TAFA4: variants seen among roughly 807,000 people sequenced by gnomAD.
The protein encoded by TAFA4 is chemokine-like protein TAFA-4.
Under a neutral mutation model 21.1 loss-of-function variants are expected in TAFA4, and 20 were observed. The observed-to-expected ratio is 0.95, with a 90% CI of 0.67 to 1.38. The LOEUF is 1.38. Ranked by LOEUF, TAFA4 falls within the 40% of genes most tolerant of loss-of-function variation. The probability of loss-of-function intolerance (pLI) is 0.00; values close to 1 mark genes in which losing one functional copy is unlikely to be tolerated. For synonymous variants in TAFA4, 71 were observed against 67.4 expected (o/e 1.05, Z -0.26); for missense variants, 211 against 180.9 (o/e 1.17, Z -0.95).
At chr3:68,833,887 T>C (rs1704459065) in intron 3 of TAFA4, among the ~76,000 whole-genome samples, 1 of 152,182 alleles carries the variant, frequency 6.6e-6, no homozygotes, top group South Asian at 2.1e-4. Context: ...AGGAAATTGC[T>C]CTAAGTTTCA....
chr3:68,821,261 C>T (rs904223333), intron 3 of TAFA4, among the ~76,000 whole-genome samples: 1 of 150,164 alleles, frequency 6.7e-6, no homozygotes, highest in Admixed American at 6.7e-5. Context: ...GATATAAACA[C>T]AGCATCAAAA....
intron 4 of TAFA4, 26 bp from the exon 5 acceptor site, chr3:68,739,225 T>G: frequency 6.2e-7 from 1 of 1,612,814 alleles, no homozygotes; most frequent in South Asian, 1.1e-5. Flanking sequence ...CAAATAATAT[T>G]TGTGACACTG....
chr3:68,802,683 T>A (rs1415693541), intron 3 of TAFA4, among the ~76,000 whole-genome samples: 1 of 152,172 alleles, frequency 6.6e-6, no homozygotes, highest in Non-Finnish European at 1.5e-5. Context: ...AACACAATAG[T>A]GCTGAACAAC....
intron 3 of TAFA4, among the ~76,000 whole-genome samples, chr3:68,798,428 C>A (rs1703499629): frequency 6.6e-6 from 1 of 152,006 alleles, no homozygotes; most frequent in South Asian, 2.1e-4. Flanking sequence ...TAAGTGCAAA[C>A]AAAATTAAAA....
chr3:68,915,833 C>G (rs1309575957), intron 1 of TAFA4, among the ~76,000 whole-genome samples: 1 of 152,170 alleles, frequency 6.6e-6, no homozygotes, highest in Non-Finnish European at 1.5e-5. Flanking sequence ...CAGCCCACCA[C>G]TTTGTGCAAA....
intron 1 of TAFA4, among the ~76,000 whole-genome samples, chr3:68,899,467 G>C (rs185809794): frequency 2.4e-4 from 36 of 151,784 alleles, no homozygotes; most frequent in Middle Eastern, 3.4e-3. Flanking sequence ...TTCTTCCATG[G>C]TTTGACATCA....
intron 1 of TAFA4, among the ~76,000 whole-genome samples, chr3:68,924,838 T>C (rs1175586467): frequency 6.6e-6 from 1 of 152,202 alleles, no homozygotes; most frequent in Non-Finnish European, 1.5e-5. Flanking sequence ...TTTAATTCCA[T>C]TTAAACATCT....
intron 5 of TAFA4, among the ~76,000 whole-genome samples, chr3:68,736,984 A>AACTT (rs565057874): frequency 1.4e-3 from 215 of 152,262 alleles, no homozygotes; most frequent in African/African-American, 4.7e-3. Context: ...AGCTACAGCA[A>AACTT]ACTTACATTC....
intron 3 of TAFA4, among the ~76,000 whole-genome samples, chr3:68,759,066 G>A (rs1434178778): frequency 6.6e-6 from 1 of 152,202 alleles, no homozygotes; most frequent in African/African-American, 2.4e-5. Context: ...AAGGTCAGCA[G>A]TCTTAAGGCC....
At chr3:68,859,502 G>A (rs1417925125) in intron 3 of TAFA4, among the ~76,000 whole-genome samples, 1 of 152,088 alleles carries the variant, frequency 6.6e-6, no homozygotes, top group East Asian at 1.9e-4. Flanking sequence ...ATAAAATAGA[G>A]AGGGCAAAAC....
intron 3 of TAFA4, among the ~76,000 whole-genome samples, chr3:68,843,526 T>C (rs1027968053): frequency 1.3e-5 from 2 of 152,244 alleles, no homozygotes; most frequent in African/African-American, 2.4e-5. Context: ...TCTTGCCTGA[T>C]TGCCCCAGCC....
chr3:68,918,868 T>G (rs1310611726), intron 1 of TAFA4, among the ~76,000 whole-genome samples: 1 of 152,164 alleles, frequency 6.6e-6, no homozygotes, highest in Non-Finnish European at 1.5e-5. Context: ...AACCAGATTT[T>G]TATAAACTTT....
At chr3:68,802,243 G>A (rs1408896954) in intron 3 of TAFA4, among the ~76,000 whole-genome samples, 1 of 152,134 alleles carries the variant, frequency 6.6e-6, no homozygotes, top group Middle Eastern at 3.4e-3. Context: ...CTTTTTCTAA[G>A]TGTTCCATTT....
At chr3:68,735,061 A>ATAT in intron 5 of TAFA4, among the ~76,000 whole-genome samples, 1 of 152,248 alleles carries the variant, frequency 6.6e-6, no homozygotes, top group Non-Finnish European at 1.5e-5. Flanking sequence ...TAAGATGCCA[A>ATAT]TATTAGCTCT....
intron 5 of TAFA4, among the ~76,000 whole-genome samples, chr3:68,738,498 A>G (rs1233606303): frequency 2.6e-5 from 4 of 152,222 alleles, no homozygotes; most frequent in African/African-American, 9.6e-5. Flanking sequence ...GAGTAAGCAC[A>G]GTGTTGAAGA....
At chr3:68,886,466 A>G (rs1369280360) in intron 1 of TAFA4, among the ~76,000 whole-genome samples, 1 of 152,232 alleles carries the variant, frequency 6.6e-6, no homozygotes, top group Non-Finnish European at 1.5e-5. Flanking sequence ...TTCTGCTATC[A>G]GAAAGAACTA....
intron 3 of TAFA4, among the ~76,000 whole-genome samples, chr3:68,777,086 A>G (rs772229987): frequency 2.5e-4 from 38 of 152,134 alleles, no homozygotes; most frequent in Non-Finnish European, 4.7e-4. Flanking sequence ...CACTGCATAG[A>G]CATTTCAATA....
Position 68,733,710 on chromosome 3 carries a change from C to T in TAFA4, c.412-557G>A, listed in dbSNP as rs9869024. 7.0e-3 allele frequency among the ~76,000 whole-genome samples: 1,063 copies of T among 152,162 alleles called. 11 individuals are homozygous for T. The highest frequency in any genetic ancestry group is 0.024 in the African/African-American group (1,003 of 41,512). ...GTTTCTATTCATGTAAGAAATTTTA[C>T]GTGTTTGTTAGTCAATATACCAGCA... On this transcript the variant is annotated intron_variant, in intron 5 of 5. Transcript: ENST00000295569.
At chr3:68,831,065 T>C (rs925513395) in intron 3 of TAFA4, among the ~76,000 whole-genome samples, 2 of 152,204 alleles carry the variant, frequency 1.3e-5, no homozygotes, top group African/African-American at 4.8e-5. Flanking sequence ...ACCTCTTTAT[T>C]TTGAGCCTAT....
Sources: allele counts gnomAD v4.1 joint callset (sites outside exome capture counted in the v4.1 genomes callset), GRCh38; gene constraint gnomAD v4.1.1; transcripts MANE v1.5; gene names NCBI Gene and HGNC (gene_info 2026-07-23, HGNC 2026-07-21).